TRPM3: variants seen among roughly 807,000 people sequenced by gnomAD.
TRPM3 encodes transient receptor potential cation channel subfamily M member 3.
In TRPM3, 77 loss-of-function variants were observed where a neutral mutation model predicts 181.2. That is an observed-to-expected ratio of 0.42 (90% CI 0.35 to 0.51). TRPM3 has a LOEUF of 0.51. TRPM3 is among the 20% of genes least tolerant of loss of function. TRPM3 has a pLI of 0.01. For synonymous variants in TRPM3, 745 were observed against 796.4 expected (o/e 0.94, Z 1.09); for missense variants, 1,759 against 2,196.7 (o/e 0.80, Z 3.98).
intron 1 of TRPM3, among the ~76,000 whole-genome samples, chr9:71,157,411 A>G (rs946842299): frequency 3.3e-5 from 5 of 152,170 alleles, no homozygotes; most frequent in African/African-American, 7.2e-5. Flanking sequence ...CATTTTCAAA[A>G]TATGTTAGTT....
intron 1 of TRPM3, among the ~76,000 whole-genome samples, chr9:70,970,467 A>G (rs1206130889): frequency 6.6e-6 from 1 of 152,174 alleles, no homozygotes. Context: ...AGATATTCCA[A>G]GGACAGACTT....
intron 9 of TRPM3, among the ~76,000 whole-genome samples, chr9:70,642,095 G>T (rs972187189): frequency 1.3e-5 from 2 of 152,196 alleles, no homozygotes; most frequent in African/African-American, 4.8e-5. Context: ...CACGATCGGG[G>T]AGGAGGATAA....
chr9:70,997,844 ATCT>A (rs1378763177), intron 1 of TRPM3, among the ~76,000 whole-genome samples: 1 of 151,974 alleles, frequency 6.6e-6, no homozygotes, highest in East Asian at 1.9e-4. Context: ...ATCCTTCCTG[ATCT>A]TCTTGTGTGC....
At chr9:70,838,407 C>G (rs1283886434) in intron 5 of TRPM3, among the ~76,000 whole-genome samples, 1 of 152,174 alleles carries the variant, frequency 6.6e-6, no homozygotes, top group Non-Finnish European at 1.5e-5. Context: ...AGATCCCTAT[C>G]TCTTTCTACC....
intron 1 of TRPM3, among the ~76,000 whole-genome samples, chr9:70,914,030 C>T (rs1305164365): frequency 6.6e-6 from 1 of 152,086 alleles, no homozygotes; most frequent in Middle Eastern, 3.2e-3. Flanking sequence ...CGATAAATAC[C>T]ACACTATGGT....
chr9:71,263,360 A>C (rs2083188632), intron 1 of TRPM3, among the ~76,000 whole-genome samples: 1 of 152,226 alleles, frequency 6.6e-6, no homozygotes, highest in Non-Finnish European at 1.5e-5. Context: ...ATGAGAAGAT[A>C]GTACAAAGAC....
intron 18 of TRPM3, among the ~76,000 whole-genome samples, chr9:70,614,040 A>G (rs2062379643): frequency 6.6e-6 from 1 of 152,164 alleles, no homozygotes; most frequent in Admixed American, 6.5e-5. Flanking sequence ...GAGTGGCCAC[A>G]CTTGAGACTA....
chr9:70,812,796 A>G (rs1209048691), intron 6 of TRPM3, among the ~76,000 whole-genome samples: 2 of 152,198 alleles, frequency 1.3e-5, no homozygotes, highest in Non-Finnish European at 2.9e-5. Context: ...TCTAATGAAA[A>G]AAAATTAAGT....
chr9:70,671,929 A>AGTTT (rs756835607), intron 9 of TRPM3, among the ~76,000 whole-genome samples: 6 of 98,524 alleles, frequency 6.1e-5, no homozygotes, highest in East Asian at 4.5e-4. Context: ...ATGTCCAGCT[A>AGTTT]ATTTTTTTTT....
At position 71,397,957 on chromosome 9, in the gene TRPM3, A is replaced by C. The variant is rs559737667; in HGVS notation, c.183+48696T>G. On this transcript the variant is annotated intron_variant, in intron 1 of 24. Transcript: ENST00000357533. ...CTTACTCAAATATTTTGGATTGTCA[A>C]CTGTAACAACCATGTACCCTCCTGG... Among the ~76,000 whole-genome samples the C allele has an allele frequency of 4.5e-4, 69 of 152,280 alleles. 1 individual carries two copies. The South Asian group carries it at 0.013, about 30-fold the overall frequency.
chr9:70,974,539 A>G (rs2097282457), intron 1 of TRPM3, among the ~76,000 whole-genome samples: 1 of 149,310 alleles, frequency 6.7e-6, no homozygotes, highest in South Asian at 2.2e-4. Context: ...ACTCCGTCTC[A>G]AAACAAACAA....
chr9:70,883,125 A>C, intron 1 of TRPM3, among the ~76,000 whole-genome samples: 1 of 152,158 alleles, frequency 6.6e-6, no homozygotes, highest in East Asian at 1.9e-4. Flanking sequence ...AGAGATCTCC[A>C]TCAGTACCTC....
intron 1 of TRPM3, 80 bp from the exon 2 acceptor site, chr9:70,864,591 G>T: frequency 9.7e-7 from 1 of 1,033,246 alleles, no homozygotes; most frequent in Non-Finnish European, 1.3e-6. Context: ...TAACTAGAAA[G>T]CAAAATTTCA....
chr9:70,988,297 C>A (rs937274269), intron 1 of TRPM3, among the ~76,000 whole-genome samples: 1 of 152,122 alleles, frequency 6.6e-6, no homozygotes, highest in Non-Finnish European at 1.5e-5. Flanking sequence ...GGCTTTGAAT[C>A]CAGATACTCT....
At chr9:70,553,366 AAAT>A in intron 22 of TRPM3, 56 bp from the exon 23 acceptor site, 1 of 1,588,880 alleles carries the variant, frequency 6.3e-7, no homozygotes, top group Admixed American at 1.7e-5. Context: ...GTTAGAAAAA[AAAT>A]AAAAAGATGG....
intron 1 of TRPM3, among the ~76,000 whole-genome samples, chr9:70,899,518 GTGT>G (rs1330606854): frequency 6.6e-6 from 1 of 152,174 alleles, no homozygotes; most frequent in Non-Finnish European, 1.5e-5. Context: ...ATAACGGTTT[GTGT>G]TGTTTTTTCT....
intron 1 of TRPM3, among the ~76,000 whole-genome samples, chr9:70,916,797 A>G (rs2096599818): frequency 6.6e-6 from 1 of 152,246 alleles, no homozygotes; most frequent in South Asian, 2.1e-4. Flanking sequence ...CTCAGCAAGA[A>G]TATAGAAAAA....
chr9:70,581,864 C>T lies in TRPM3; in HGVS notation c.3223+9167G>A, dbSNP rs181930028. On this transcript the variant is annotated intron_variant, in intron 22 of 25. Transcript: ENST00000677713. ...TCTGCTGCCCTCAACAATCAAGGGC[C>T]AGCAGGTGGGCCAGTCTCCCTCCCT... Among the ~76,000 whole-genome samples the T allele has an allele frequency of 5.3e-3, 802 of 152,120 alleles. 7 individuals are homozygous for T. The highest frequency in any genetic ancestry group is 0.018 in the African/African-American group (734 of 41,480).
chr9:70,689,348 A>G (rs1385985484), intron 8 of TRPM3, among the ~76,000 whole-genome samples: 1 of 152,166 alleles, frequency 6.6e-6, no homozygotes, highest in Non-Finnish European at 1.5e-5. Context: ...AATTTATAAC[A>G]TATATAAGTA....
Sources: gnomAD v4.1 joint callset for allele counts (sites outside exome capture counted in the v4.1 genomes callset) on GRCh38, gnomAD v4.1.1 for gene constraint, MANE v1.5 for transcripts, NCBI Gene and HGNC (gene_info 2026-07-23, HGNC 2026-07-21) for gene names.